PRKN: variants seen among roughly 807,000 people sequenced by gnomAD.
PRKN encodes E3 ubiquitin-protein ligase parkin.
In PRKN, 56 loss-of-function variants were observed where a neutral mutation model predicts 59.5. That is an observed-to-expected ratio of 0.94 (90% confidence interval 0.76 to 1.18). The LOEUF is 1.18. Ranked by LOEUF, PRKN falls within the 50% of genes most tolerant of loss-of-function variation. The pLI, the probability that PRKN is intolerant of heterozygous loss-of-function variation, is 0.00. For missense variants in PRKN, 657 were observed against 596.4 expected, an observed-to-expected ratio of 1.10 and a Z score of -1.06; for synonymous variants, 250 against 222.1, an observed-to-expected ratio of 1.13 and a Z score of -1.12.
chr6:162,020,584 G>A (rs1783108115), intron 5 of PRKN, among the ~76,000 whole-genome samples: 1 of 152,034 alleles, frequency 6.6e-6, no homozygotes, highest in South Asian at 2.1e-4. Context: ...ATATATGTAG[G>A]TAAACAAAAA....
At chr6:161,859,610 CAAAAAAA>C (rs57747027) in intron 6 of PRKN, among the ~76,000 whole-genome samples, 2 of 90,358 alleles carry the variant, frequency 2.2e-5, no homozygotes. Flanking sequence ...GACTCTCTCT[CAAAAAAA>C]AAAAAAAAAA....
At chr6:162,442,613 G>A (rs960749972) in intron 2 of PRKN, among the ~76,000 whole-genome samples, 3 of 152,118 alleles carry the variant, frequency 2.0e-5, no homozygotes, top group Admixed American at 2.0e-4. Context: ...TAGGAGCAGT[G>A]GGCTGCCAGA....
chr6:161,880,880 C>T (rs757231135), intron 6 of PRKN, among the ~76,000 whole-genome samples: 1 of 152,122 alleles, frequency 6.6e-6, no homozygotes, highest in African/African-American at 2.4e-5. Flanking sequence ...CTTTAGATTC[C>T]GCCAGCACGT....
intron 7 of PRKN, 40 bp from the exon 8 acceptor site, chr6:161,569,456 A>C (rs1780787188): frequency 1.3e-6 from 2 of 1,528,308 alleles, no homozygotes; most frequent in East Asian, 4.5e-5. Context: ...CGTCACTTTC[A>C]CTCTGTGTGG....
In PRKN at chr6:162,190,038, T is replaced by C. The variant is rs76243055; in HGVS notation, c.534+11093A>G. 6.5e-4 allele frequency among the ~76,000 whole-genome samples: 99 copies of C among 152,108 alleles called. 2 individuals carry two copies. The East Asian group carries it at 0.017, about 27-fold the overall frequency. On this transcript the variant is annotated intron_variant, in intron 4 of 11. Transcript: ENST00000366898. ...GTCATTCTGACACTAGACAGAAATA[T>C]AATTCTTTGAAACTAGCCGTGGGAG...
At chr6:162,092,017 C>G (rs962852191) in intron 4 of PRKN, among the ~76,000 whole-genome samples, 8 of 151,952 alleles carry the variant, frequency 5.3e-5, no homozygotes, top group Non-Finnish European at 1.2e-4. Context: ...GCCTGGGCAA[C>G]AGAAAGAGAT....
rs573438848 is a variant in PRKN, at chr6:161,743,540, C to A, written c.871+42232G>T. The stretch of plus-strand genomic sequence containing the variant: ...CTGGGATTACAGGCACGAGCCACTG[C>A]GCCTGGACTTGGTTTCTATCTTATC... On this transcript the variant is annotated intron_variant, in intron 7 of 11. Transcript: ENST00000366898. 2.0e-5 allele frequency among the ~76,000 whole-genome samples: 3 copies of A among 152,008 alleles called. No homozygotes were observed. In the South Asian group the frequency reaches 6.2e-4, roughly 32 times the overall value.
intron 9 of PRKN, among the ~76,000 whole-genome samples, chr6:161,398,669 C>T (rs1390358991): frequency 2.0e-5 from 3 of 152,160 alleles, no homozygotes; most frequent in Admixed American, 2.0e-4. Flanking sequence ...CCCAATGCTC[C>T]CTCCATTCCA....
chr6:162,608,948 G>A (rs570688303), intron 1 of PRKN, among the ~76,000 whole-genome samples: 1 of 152,140 alleles, frequency 6.6e-6, no homozygotes, highest in Non-Finnish European at 1.5e-5. Context: ...AAGTCTCCAC[G>A]TTTCCTGGGA....
intron 2 of PRKN, among the ~76,000 whole-genome samples, chr6:162,290,828 T>G (rs1781397287): frequency 6.6e-6 from 1 of 152,182 alleles, no homozygotes; most frequent in South Asian, 2.1e-4. Context: ...GCTGCAAGTT[T>G]CTTGGCAAAG....
chr6:161,605,536 G>A (rs1228676047), intron 7 of PRKN, among the ~76,000 whole-genome samples: 1 of 149,190 alleles, frequency 6.7e-6, no homozygotes, highest in Non-Finnish European at 1.5e-5. Flanking sequence ...TTTTGAGATG[G>A]AGTCTTGCTC....
chr6:161,738,622 G>C (rs1430163473), intron 7 of PRKN, among the ~76,000 whole-genome samples: 1 of 152,188 alleles, frequency 6.6e-6, no homozygotes, highest in Non-Finnish European at 1.5e-5. Flanking sequence ...TTTGAACCTG[G>C]TACCAAGTAG....
chr6:162,398,135 C>T (rs1442736051), intron 2 of PRKN, among the ~76,000 whole-genome samples: 2 of 150,750 alleles, frequency 1.3e-5, no homozygotes, highest in African/African-American at 4.9e-5. Context: ...TTCTATTTAA[C>T]ACTTGCAACA....
At chr6:161,913,724 G>T (rs1411993816) in intron 6 of PRKN, among the ~76,000 whole-genome samples, 1 of 152,138 alleles carries the variant, frequency 6.6e-6, no homozygotes, top group African/African-American at 2.4e-5. Flanking sequence ...AACTGTTATG[G>T]ACTGAATGCT....
At chr6:162,660,073 A>G (rs532652697) in intron 1 of PRKN, among the ~76,000 whole-genome samples, 4 of 152,312 alleles carry the variant, frequency 2.6e-5, no homozygotes, top group Admixed American at 6.5e-5. Context: ...TCACTACTAG[A>G]ATGTTGAAAG....
intron 6 of PRKN, among the ~76,000 whole-genome samples, chr6:161,790,971 G>A (rs906405991): frequency 6.6e-6 from 1 of 152,110 alleles, no homozygotes; most frequent in African/African-American, 2.4e-5. Context: ...GAAGAAGAAC[G>A]GGTGACATTT....
chr6:162,036,280 C>T (rs769612811), intron 5 of PRKN, among the ~76,000 whole-genome samples: 55 of 151,638 alleles, frequency 3.6e-4, no homozygotes, highest in Admixed American at 3.1e-3. Context: ...GCCGAGATCA[C>T]GCCACTGCAC....
chr6:162,011,605 A>G (rs1782721515), intron 5 of PRKN, among the ~76,000 whole-genome samples: 2 of 144,098 alleles, frequency 1.4e-5, no homozygotes, highest in Non-Finnish European at 3.0e-5. Context: ...CAGTGCTATG[A>G]ATAATTGACA....
chr6:162,505,814 G>A (rs751002947), intron 1 of PRKN, among the ~76,000 whole-genome samples: 18 of 152,178 alleles, frequency 1.2e-4, no homozygotes, highest in Non-Finnish European at 2.4e-4. Context: ...TCACATCAGC[G>A]TGATAAGTAT....
Sources: gnomAD v4.1 joint callset for allele counts (sites outside exome capture counted in the v4.1 genomes callset) on GRCh38, gnomAD v4.1.1 for gene constraint, MANE v1.5 for transcripts, NCBI Gene and HGNC (gene_info 2026-07-23, HGNC 2026-07-21) for gene names.